The following GTPBP10 variants were observed in gnomAD, a reference collection of about 807,000 sequenced individuals.
GTPBP10 encodes the protein GTP-binding protein 10.
GTPBP10 carries 38 observed loss-of-function variants against 44.8 expected under a neutral mutation model. The ratio of observed to expected loss-of-function variants is 0.85; its 90% confidence interval spans 0.65 to 1.11. The LOEUF (loss-of-function observed/expected upper bound fraction) is 1.11. Ranked by LOEUF, GTPBP10 falls within the 50% of genes most tolerant of loss-of-function variation. The pLI is 0.00. For missense variants in GTPBP10, 462 were observed against 453.7 expected (o/e 1.02, Z -0.17); for synonymous variants, 152 against 150.6 (o/e 1.01, Z -0.07).
intron 5 of GTPBP10, among the ~76,000 whole-genome samples, chr7:90,373,146 A>G (rs939658091): frequency 2.6e-5 from 4 of 152,166 alleles, no homozygotes. Context: ...AGAGAACATG[A>G]AATAAGGGAA....
At chr7:90,357,035 A>G (rs1191253271) in intron 4 of GTPBP10, among the ~76,000 whole-genome samples, 4 of 152,224 alleles carry the variant, frequency 2.6e-5, no homozygotes, top group Non-Finnish European at 4.4e-5. Context: ...AGTTACTACT[A>G]TGAATACTAG....
At chr7:90,372,084 C>A in intron 4 of GTPBP10, 71 bp from the exon 5 acceptor site, 1 of 879,436 alleles carries the variant, frequency 1.1e-6, no homozygotes, top group Non-Finnish European at 1.8e-6. Flanking sequence ...TTCATGAAGT[C>A]TACTTGAATT....
intron 6 of GTPBP10, among the ~76,000 whole-genome samples, chr7:90,374,759 A>G (rs573706185): frequency 6.6e-6 from 1 of 152,206 alleles, no homozygotes; most frequent in Non-Finnish European, 1.5e-5. Flanking sequence ...CCAGCTATTA[A>G]AATTCATTTT....
At chr7:90,363,004 C>T (rs1796058389) in intron 4 of GTPBP10, among the ~76,000 whole-genome samples, 1 of 152,108 alleles carries the variant, frequency 6.6e-6, no homozygotes, top group Non-Finnish European at 1.5e-5. Context: ...TTCCTCTATC[C>T]CTTTATTTTG....
Position 90,378,208 on chromosome 7 carries a change from A to C in GTPBP10, c.774A>C (p.Thr258=), listed in dbSNP as rs768900522. 22 of 1,611,702 alleles carry C rather than the reference A, an allele frequency of 1.4e-5. No individual in the cohort carries two copies. The highest frequency in any genetic ancestry group is 1.9e-5 in the Non-Finnish European group (22 of 1,178,584). Residue 258 remains threonine, a synonymous_variant, in exon 8 of 10, where the codon ACA becomes ACC. Coordinates refer to ENST00000222511, the MANE Select transcript of GTPBP10 (RefSeq NM_033107.4). The part of the protein sequence containing the change: ...RTAFETIILL[T]KELELYKEEL... ...CTTTTGAAACCATAATACTGCTTAC[A>C]AAAGTAGGTTTTCTGTTTTACTGTG...
At chr7:90,352,121 C>A (rs754781372) in intron 1 of GTPBP10, among the ~76,000 whole-genome samples, 11 of 152,156 alleles carry the variant, frequency 7.2e-5, no homozygotes, top group Non-Finnish European at 1.6e-4. Context: ...TGCCTAAACA[C>A]TGAAAGGAGC....
chr7:90,352,946 T>C lies in GTPBP10; in HGVS notation c.164T>C (p.Leu55Ser), dbSNP rs149432412. Residue 55 changes from leucine (L) to serine (S), a missense_variant, in exon 2 of 10, where the codon TTA (leucine) becomes TCA (serine). Physicochemically the swap from Leu to Ser is moderately radical, Grantham distance 145. Transcript: ENST00000222511. ...VWVVAQNRMTLKQLKDRYPRK... is the reference protein window; with the variant it reads ...VWVVAQNRMTSKQLKDRYPRK... The stretch of plus-strand genomic sequence containing the variant: ...GTTGTAGCCCAGAACAGAATGACTT[T>C]AAAACAACTTAAAGACAGGTATCCT... 2.8e-4 allele frequency: 456 copies of C among 1,613,640 alleles called. 3 individuals are homozygous for C. In the African/African-American group the frequency reaches 5.2e-3, roughly 18 times the overall value.
intron 9 of GTPBP10, among the ~76,000 whole-genome samples, chr7:90,384,283 TAATCAGTATGCCATCTCCCCAGCC>T: frequency 6.6e-6 from 1 of 152,320 alleles, no homozygotes; most frequent in South Asian, 2.1e-4. Flanking sequence ...TTAATCCATC[TAATCAGTATGCCATCTCCCCAGCC>T]AATCAGTATG....
chr7:90,380,572 T>C (rs778785245), intron 8 of GTPBP10, among the ~76,000 whole-genome samples: 51 of 152,344 alleles, frequency 3.3e-4, no homozygotes, highest in African/African-American at 1.2e-3. Context: ...ACAAGTGATA[T>C]TTGGATATAT....
intron 1 of GTPBP10, among the ~76,000 whole-genome samples, chr7:90,350,032 A>G (rs1795758412): frequency 1.3e-5 from 2 of 151,754 alleles, no homozygotes; most frequent in Admixed American, 6.6e-5. Flanking sequence ...TTAACTTGTC[A>G]TTTACATTGG....
chr7:90,363,232 G>A (rs174072), intron 4 of GTPBP10, among the ~76,000 whole-genome samples: 137,309 of 152,240 alleles, frequency 0.9, 62,198 homozygotes, highest in East Asian at 1. Flanking sequence ...CCTAGCGTTG[G>A]TGGTCTTTAC....
chr7:90,364,560 G>C (rs911273481), intron 4 of GTPBP10, among the ~76,000 whole-genome samples: 1 of 152,208 alleles, frequency 6.6e-6, no homozygotes, highest in Non-Finnish European at 1.5e-5. Flanking sequence ...TTGCCTCCCA[G>C]TTAGGCTACT....
intron 2 of GTPBP10, chr7:90,353,267 A>G (rs1295889313): frequency 3.5e-6 from 1 of 284,276 alleles, no homozygotes; most frequent in Non-Finnish European, 6.5e-6. Context: ...GAAACCGATA[A>G]TTATCTGAAT....
rs139345492 is a variant in GTPBP10 at position 90,381,899 on chromosome 7, A to G, written c.778-1057A>G. On this transcript the variant is annotated intron_variant, in intron 8 of 9. Coordinates refer to ENST00000222511, the MANE Select transcript of GTPBP10 (RefSeq NM_033107.4). ...TGAAATTAGATCCTTACTTCACACC[A>G]TATAAAAAATCAGTTCAAAGTTGAT... Among the ~76,000 whole-genome samples, 210 of 152,308 alleles carry G rather than the reference A, an allele frequency of 1.4e-3. 1 individual carries two copies. Among genetic ancestry groups the G allele is most frequent in the African/African-American group, 4.8e-3 (198 of 41,572 alleles).
intron 4 of GTPBP10, among the ~76,000 whole-genome samples, chr7:90,368,829 C>G (rs927205199): frequency 6.6e-6 from 1 of 152,190 alleles, no homozygotes; most frequent in Admixed American, 6.5e-5. Flanking sequence ...CAGTTTTGTT[C>G]CATTGCTGGC....
At chr7:90,347,292 T>C (rs1379816414) in intron 1 of GTPBP10, among the ~76,000 whole-genome samples, 3 of 152,198 alleles carry the variant, frequency 2.0e-5, no homozygotes, top group African/African-American at 4.8e-5. Context: ...TTAAATCTTA[T>C]CCTATCAGTA....
At chr7:90,378,106 G>C (rs375418934) in intron 7 of GTPBP10, 28 bp from the exon 8 acceptor site, 31 of 1,589,816 alleles carry the variant, frequency 1.9e-5, no homozygotes, top group Non-Finnish European at 2.6e-5. Flanking sequence ...TATGTTAAAG[G>C]CTGTCTCTTT....
chr7:90,372,112 A>G, intron 4 of GTPBP10, 43 bp from the exon 5 acceptor site: 1 of 1,176,322 alleles, frequency 8.5e-7, no homozygotes, highest in Non-Finnish European at 1.3e-6. Flanking sequence ...ATTCAGAGAT[A>G]ATAATATTGA....
rs974213811 is a variant in GTPBP10 at position 90,389,826 on chromosome 7, GTC to G, written c.*4678_*4679del. 26 of 151,878 alleles carry G rather than the reference GTC, an allele frequency of 1.7e-4. No homozygotes were observed. Among genetic ancestry groups the G allele is most frequent in the African/African-American group, 5.6e-4 (23 of 41,368 alleles). 9.4% of individuals were successfully genotyped at this position (151,878 alleles called of 1,614,324 possible). Reference sequence around the variant, plus strand: ...TTTATTTATTCTTTTTAGAGACAGGGTCTCTCTGTGGAGTGCAGTGGCATGAT... The same window carrying G: ...TTTATTTATTCTTTTTAGAGACAGGGTCTCTGTGGAGTGCAGTGGCATGAT... On this transcript the variant is annotated 3_prime_UTR_variant, in exon 10 of 10. Transcript: ENST00000222511.
Sources: gnomAD v4.1 joint callset for allele counts (sites outside exome capture counted in the v4.1 genomes callset) on GRCh38, gnomAD v4.1.1 for gene constraint, MANE v1.5 for transcripts, NCBI Gene and HGNC (gene_info 2026-07-23, HGNC 2026-07-21) for gene names.